CA13: variants seen among roughly 807,000 people sequenced by gnomAD.
The protein encoded by CA13 is CA-XIII.
In CA13, 21 loss-of-function variants were observed where a neutral mutation model predicts 31.5. That is an observed-to-expected ratio of 0.67 (90% CI 0.47 to 0.96). CA13 has a LOEUF of 0.96. Among genes scored for constraint, CA13 ranks in the 40% least tolerant of loss-of-function variants. The pLI, the probability that CA13 is intolerant of heterozygous loss-of-function variation, is 0.00. For synonymous variants in CA13, 117 were observed against 111.4 expected (o/e 1.05, Z -0.32); for missense variants, 315 against 318.9 (o/e 0.99, Z 0.09).
rs748027103 is a variant in CA13, at chr8:85,266,722, C to G, written c.450+19C>G. The G allele has an allele frequency of 3.8e-6, 6 of 1,570,094 alleles. No homozygotes were observed. The highest frequency in any genetic ancestry group is 5.3e-6 in the Non-Finnish European group (6 of 1,141,070). ...TTTACAGGTGAGAATCTACTGTTTT[C>G]ATTTTAAATGATCAGCCTTGTTGAA... On this transcript the variant is annotated intron_variant, in intron 4 of 6. Coordinates refer to ENST00000321764, the MANE Select transcript of CA13 (RefSeq NM_198584.3).
At chr8:85,254,247 C>T (rs1316191402) in intron 2 of CA13, among the ~76,000 whole-genome samples, 1 of 146,088 alleles carries the variant, frequency 6.8e-6, no homozygotes, top group Admixed American at 6.9e-5. Context: ...CACTGCACTC[C>T]AGCCTGGGCA....
chr8:85,268,679 T>C, intron 6 of CA13, 52 bp downstream of exon 6: 4 of 212,974 alleles, frequency 1.9e-5, no homozygotes, highest in East Asian at 1.3e-4. Context: ...AAACTGGGCT[T>C]TTTTTTTTTT....
intron 2 of CA13, among the ~76,000 whole-genome samples, chr8:85,254,002 G>A (rs1400751117): frequency 6.6e-6 from 1 of 152,060 alleles, no homozygotes; most frequent in African/African-American, 2.4e-5. Flanking sequence ...AATAAGGCCG[G>A]GTGTGGTGGC....
chr8:85,276,334 C>G (rs887394010), intron 6 of CA13, among the ~76,000 whole-genome samples: 2 of 152,182 alleles, frequency 1.3e-5, no homozygotes, highest in African/African-American at 2.4e-5. Flanking sequence ...CTGTGCGGCC[C>G]GAGCTTCCCC....
chr8:85,268,601 C>G lies in CA13; in HGVS notation c.643C>G (p.Gln215Glu). The G allele has an allele frequency of 1.2e-6, 2 of 1,613,490 alleles. No individual in the cohort carries two copies. The highest frequency in any genetic ancestry group is 1.7e-6 in the Non-Finnish European group (2 of 1,179,736). ...GAGTGTCACATGGATTGTTTTAAAGCAACCTATAAACATCAGCTCTCAACA... is the reference window on the plus strand; with the variant it reads ...GAGTGTCACATGGATTGTTTTAAAGGAACCTATAAACATCAGCTCTCAACA... ...LESVTWIVLK[Q>E]PINISSQQLA... Residue 215 changes from glutamine (Q) to glutamate (E), a missense_variant, in exon 6 of 7, where the codon CAA becomes GAA. Transcript: ENST00000321764.
At chr8:85,268,753 C>A in intron 6 of CA13, 126 bp downstream of exon 6, 1 of 797,896 alleles carries the variant, frequency 1.3e-6, no homozygotes, top group Non-Finnish European at 1.9e-6. Flanking sequence ...ATTCATCAGA[C>A]GGGTCGTTGG....
chr8:85,251,980 G>A (rs1453807932), intron 2 of CA13, among the ~76,000 whole-genome samples: 2 of 152,108 alleles, frequency 1.3e-5, no homozygotes, highest in South Asian at 4.1e-4. Flanking sequence ...AACTGCAGCC[G>A]GGTGTGGTGG....
Position 85,266,678 on chromosome 8 carries a change from T to C in CA13, c.425T>C (p.Leu142Pro). Residue 142 changes from leucine to proline, a missense_variant, in exon 4 of 7, where the codon CTG (leucine) becomes CCG (proline). Coordinates refer to ENST00000321764, the MANE Select transcript of CA13 (RefSeq NM_198584.3). Reference protein sequence around the residue: ...FVEAAHEPDGLAVLGVFLQIG... With the variant: ...FVEAAHEPDGPAVLGVFLQIG... ...GAGGCAGCTCATGAACCAGATGGAC[T>C]GGCTGTCTTGGGAGTGTTTTTACAG... is the stretch of plus-strand genomic sequence containing the variant. The C allele has an allele frequency of 6.2e-7, 1 of 1,613,888 alleles. No individual in the cohort carries two copies. The highest frequency in any genetic ancestry group is 8.5e-7 in the Non-Finnish European group (1 of 1,179,812).
At chr8:85,277,438 C>T (rs1381232785) in intron 6 of CA13, among the ~76,000 whole-genome samples, 1 of 152,124 alleles carries the variant, frequency 6.6e-6, no homozygotes, top group African/African-American at 2.4e-5. Flanking sequence ...TGAGCACATC[C>T]TAGCATCAGA....
intron 2 of CA13, among the ~76,000 whole-genome samples, chr8:85,254,153 C>G (rs1361024191): frequency 6.6e-6 from 1 of 151,668 alleles, no homozygotes; most frequent in Non-Finnish European, 1.5e-5. Flanking sequence ...TGACACACAC[C>G]TGTAATCCCA....
rs569069760 is a variant in CA13, at chr8:85,270,618, T to C, written c.669+1991T>C. 2.6e-5 allele frequency among the ~76,000 whole-genome samples: 4 copies of C among 152,294 alleles called. No homozygotes were observed. In the East Asian group the frequency reaches 5.8e-4, roughly 22 times the overall value. On this transcript the variant is annotated intron_variant, in intron 6 of 6. Transcript: ENST00000321764. ...TTTATTAAATTTGAACTGAATAATA[T>C]TAAGAGTGAATAAACTATAACATCA...
chr8:85,250,614 A>G, intron 1 of CA13, 126 bp from the exon 2 acceptor site: 2 of 624,184 alleles, frequency 3.2e-6, no homozygotes, highest in Non-Finnish European at 5.5e-6. Context: ...GGTCCTGAGG[A>G]CGAGAATCTC....
chr8:85,264,365 T>C (rs1807426754), intron 3 of CA13, among the ~76,000 whole-genome samples: 2 of 152,214 alleles, frequency 1.3e-5, no homozygotes, highest in African/African-American at 2.4e-5. Flanking sequence ...TTTTCATTTT[T>C]GTAGTGGTTA....
chr8:85,279,203 G>A (rs1461249366), intron 6 of CA13, among the ~76,000 whole-genome samples: 1 of 152,162 alleles, frequency 6.6e-6, no homozygotes, highest in Non-Finnish European at 1.5e-5. Flanking sequence ...GGCTGAACTG[G>A]GAACATTTCT....
chr8:85,257,865 C>G (rs1162154300), intron 2 of CA13, among the ~76,000 whole-genome samples: 1 of 148,800 alleles, frequency 6.7e-6, no homozygotes, highest in Admixed American at 6.7e-5. Flanking sequence ...CTCCTGACCT[C>G]AAGTGATCCA....
chr8:85,251,234 C>T (rs989819475), intron 2 of CA13, among the ~76,000 whole-genome samples: 3 of 152,020 alleles, frequency 2.0e-5, no homozygotes, highest in Non-Finnish European at 4.4e-5. Context: ...GATCTCCTGA[C>T]CTCGTGATCC....
chr8:85,253,490 A>G (rs1324135250), intron 2 of CA13, among the ~76,000 whole-genome samples: 3 of 145,686 alleles, frequency 2.1e-5, no homozygotes, highest in East Asian at 2.1e-4. Flanking sequence ...ATCTTGAACT[A>G]CTGGGCTCAA....
intron 2 of CA13, among the ~76,000 whole-genome samples, chr8:85,256,060 G>A (rs963303638): frequency 2.6e-5 from 4 of 151,040 alleles, no homozygotes; most frequent in African/African-American, 4.9e-5. Flanking sequence ...CTTGTATGAC[G>A]GAAAGACATG....
intron 1 of CA13, 85 bp downstream of exon 1, chr8:85,245,950 A>T: frequency 3.4e-6 from 5 of 1,479,028 alleles, no homozygotes; most frequent in Non-Finnish European, 4.7e-6. Context: ...CTGACCACAC[A>T]CTGGGCTCGC....
Sources: gnomAD v4.1 joint callset for allele counts (sites outside exome capture counted in the v4.1 genomes callset) on GRCh38, gnomAD v4.1.1 for gene constraint, MANE v1.5 for transcripts, NCBI Gene and HGNC (gene_info 2026-07-23, HGNC 2026-07-21) for gene names.